Variants in ADAMTSL1 observed in about 807,000 individuals in gnomAD.
ADAMTSL1 encodes ADAMTS-like protein 1.
Under a neutral mutation model 201.8 loss-of-function variants are expected in ADAMTSL1, and 126 were observed. The ratio of observed to expected loss-of-function variants is 0.62; its 90% CI spans 0.54 to 0.72. The LOEUF (loss-of-function observed/expected upper bound fraction) is 0.72. Among genes scored for constraint, ADAMTSL1 ranks in the 30% least tolerant of loss-of-function variants. The pLI is 0.00. For missense variants in ADAMTSL1, 2,679 were observed against 2,277.8 expected (o/e 1.18, Z -3.59); for synonymous variants, 1,121 against 903.4 (o/e 1.24, Z -4.32).
intron 2 of ADAMTSL1, among the ~76,000 whole-genome samples, chr9:18,461,298 T>C (rs541818862): frequency 6.6e-6 from 1 of 152,316 alleles, no homozygotes; most frequent in South Asian, 2.1e-4. Flanking sequence ...CTTTTTCTCT[T>C]TAATTTTGTG....
chr9:18,567,095 C>A (rs891107893), intron 3 of ADAMTSL1, among the ~76,000 whole-genome samples: 1 of 152,080 alleles, frequency 6.6e-6, no homozygotes, highest in Non-Finnish European at 1.5e-5. Flanking sequence ...GAGGGTGGGG[C>A]CCCAACAATC....
At chr9:18,196,293 A>G (rs574671949) in intron 2 of ADAMTSL1, among the ~76,000 whole-genome samples, 1 of 152,156 alleles carries the variant, frequency 6.6e-6, no homozygotes, top group African/African-American at 2.4e-5. Flanking sequence ...GTTTATTTGC[A>G]TTTTAAGGCA....
intron 16 of ADAMTSL1, among the ~76,000 whole-genome samples, chr9:18,755,657 T>A (rs1819708074): frequency 6.6e-6 from 1 of 152,198 alleles, no homozygotes; most frequent in Non-Finnish European, 1.5e-5. Flanking sequence ...CCACCACCTG[T>A]ATGCCCAGCA....
At chr9:18,550,495 T>C (rs1364300744) in intron 3 of ADAMTSL1, among the ~76,000 whole-genome samples, 1 of 151,942 alleles carries the variant, frequency 6.6e-6, no homozygotes, top group Admixed American at 6.6e-5. Flanking sequence ...TAGGAGCTAA[T>C]GGTCACCCCC....
chr9:18,891,330 T>C (rs1588321676), intron 25 of ADAMTSL1, among the ~76,000 whole-genome samples: 1 of 152,310 alleles, frequency 6.6e-6, no homozygotes, highest in South Asian at 2.1e-4. Context: ...GTAGCTGTTT[T>C]TTAACCGTTT....
At chr9:18,879,645 T>G (rs963723268) in intron 23 of ADAMTSL1, among the ~76,000 whole-genome samples, 1 of 152,252 alleles carries the variant, frequency 6.6e-6, no homozygotes, top group African/African-American at 2.4e-5. Context: ...TAAAAATACT[T>G]TATTGCTAAA....
intron 2 of ADAMTSL1, among the ~76,000 whole-genome samples, chr9:18,512,652 A>G (rs1454275506): frequency 6.6e-6 from 1 of 152,190 alleles, no homozygotes; most frequent in African/African-American, 2.4e-5. Flanking sequence ...TACTGATTAT[A>G]GTTGCAAGAT....
Position 17,985,683 on chromosome 9 carries a change from C to T in ADAMTSL1, c.87+78761C>T, listed in dbSNP as rs186572515. ...TATTACATAATTATACACAGAATTC[C>T]GCAATCTCTAAATATCACATGGGAA... On this transcript the variant is annotated intron_variant, in intron 1 of 29. Transcript: ENST00000680146. Among the ~76,000 whole-genome samples, 13 of 152,060 alleles carry T rather than the reference C, an allele frequency of 8.5e-5. No homozygotes were observed. The East Asian group carries it at 1.2e-3, about 14-fold the overall frequency.
At chr9:18,057,513 T>G (rs547259262) in intron 1 of ADAMTSL1, among the ~76,000 whole-genome samples, 9 of 152,306 alleles carry the variant, frequency 5.9e-5, no homozygotes, top group South Asian at 4.2e-4. Context: ...TTCCTTACCC[T>G]AGCTGAGGGA....
At chr9:18,185,199 G>A (rs1277530468) in intron 2 of ADAMTSL1, among the ~76,000 whole-genome samples, 1 of 152,054 alleles carries the variant, frequency 6.6e-6, no homozygotes, top group African/African-American at 2.4e-5. Context: ...AATAGAATAT[G>A]GCAAAGACGA....
At chr9:18,645,020 T>C (rs1015547666) in intron 7 of ADAMTSL1, among the ~76,000 whole-genome samples, 5 of 152,038 alleles carry the variant, frequency 3.3e-5, no homozygotes, top group East Asian at 3.9e-4. Context: ...TAAAAGTGTT[T>C]CTATTTCTCC....
At chr9:18,508,568 G>T (rs1817822018) in intron 2 of ADAMTSL1, among the ~76,000 whole-genome samples, 1 of 152,138 alleles carries the variant, frequency 6.6e-6, no homozygotes, top group Admixed American at 6.5e-5. Context: ...TTGCAATCTA[G>T]ATCTTTCACT....
chr9:18,168,110 C>G (rs566001932), intron 2 of ADAMTSL1, among the ~76,000 whole-genome samples: 31 of 151,838 alleles, frequency 2.0e-4, no homozygotes, highest in African/African-American at 6.8e-4. Flanking sequence ...TATATTTTTT[C>G]TTAACTAGTT....
chr9:18,466,461 C>T (rs1257248964), intron 2 of ADAMTSL1, among the ~76,000 whole-genome samples: 1 of 152,130 alleles, frequency 6.6e-6, no homozygotes, highest in African/African-American at 2.4e-5. Flanking sequence ...ATGAAATACC[C>T]GGTTTTACCC....
intron 14 of ADAMTSL1, among the ~76,000 whole-genome samples, chr9:18,715,014 T>C (rs1379878035): frequency 2.7e-5 from 2 of 72,748 alleles, no homozygotes; most frequent in African/African-American, 3.8e-5. Flanking sequence ...ATTATCTCAA[T>C]AGATGCAGAA....
At chr9:18,762,263 C>CT (rs1005514563) in intron 16 of ADAMTSL1, among the ~76,000 whole-genome samples, 9 of 152,188 alleles carry the variant, frequency 5.9e-5, no homozygotes, top group Middle Eastern at 3.4e-3. Flanking sequence ...ATAAGATACC[C>CT]TTCTAGGTCA....
intron 15 of ADAMTSL1, among the ~76,000 whole-genome samples, chr9:18,735,972 C>A (rs1258626399): frequency 1.3e-5 from 2 of 151,702 alleles, no homozygotes; most frequent in African/African-American, 4.8e-5. Context: ...GCCTCAACTT[C>A]CACCCTAGAC....
chr9:18,826,218 C>T, intron 21 of ADAMTSL1, 66 bp from the exon 22 acceptor site: 1 of 1,543,554 alleles, frequency 6.5e-7, no homozygotes, highest in Non-Finnish European at 8.8e-7. Flanking sequence ...CTATAAATGC[C>T]TCTGGGCTCA....
At chr9:18,225,307 G>A (rs1830401196) in intron 2 of ADAMTSL1, among the ~76,000 whole-genome samples, 2 of 152,150 alleles carry the variant, frequency 1.3e-5, no homozygotes, top group African/African-American at 4.8e-5. Flanking sequence ...CAGATTGTTA[G>A]TGTAGTTTAA....
Sources: gnomAD v4.1 joint callset for allele counts (sites outside exome capture counted in the v4.1 genomes callset) on GRCh38, gnomAD v4.1.1 for gene constraint, MANE v1.5 for transcripts, NCBI Gene and HGNC (gene_info 2026-07-23, HGNC 2026-07-21) for gene names.